CDH13: variants seen among roughly 807,000 people sequenced by gnomAD.
CDH13 encodes the protein cadherin 13.
A neutral mutation model predicts 63.8 loss-of-function variants in CDH13; 24 were observed. The ratio of observed to expected loss-of-function variants is 0.38; its 90% CI spans 0.27 to 0.53. The LOEUF is 0.53. Among genes scored for constraint, CDH13 ranks in the 20% least tolerant of loss-of-function variants. The pLI is 0.85. For synonymous variants in CDH13, 503 were observed against 355.3 expected, an observed-to-expected ratio of 1.42 and a Z score of -4.67; for missense variants, 1,049 against 903.1, an observed-to-expected ratio of 1.16 and a Z score of -2.07.
chr16:82,927,762 C>T (rs1235659359), intron 2 of CDH13, among the ~76,000 whole-genome samples: 2 of 152,196 alleles, frequency 1.3e-5, no homozygotes, highest in African/African-American at 4.8e-5. Flanking sequence ...TTACTCACCG[C>T]TCAGTCCTCA....
chr16:83,225,262 A>T (rs2039806695), intron 5 of CDH13, among the ~76,000 whole-genome samples: 1 of 152,162 alleles, frequency 6.6e-6, no homozygotes, highest in Non-Finnish European at 1.5e-5. Context: ...TGACCTTTGA[A>T]CCTGTTTCGT....
At chr16:82,678,099 C>T (rs980557106) in intron 1 of CDH13, among the ~76,000 whole-genome samples, 2 of 152,078 alleles carry the variant, frequency 1.3e-5, no homozygotes, top group African/African-American at 2.4e-5. Flanking sequence ...CACTGGCCTC[C>T]CAAGTCCCCA....
At chr16:83,321,251 C>T (rs952448591) in intron 5 of CDH13, among the ~76,000 whole-genome samples, 1 of 152,174 alleles carries the variant, frequency 6.6e-6, no homozygotes, top group African/African-American at 2.4e-5. Context: ...GAATTAGTGT[C>T]TCAAGTTGAT....
intron 7 of CDH13, among the ~76,000 whole-genome samples, chr16:83,553,435 T>C (rs2075545967): frequency 6.6e-6 from 1 of 152,238 alleles, no homozygotes; most frequent in Non-Finnish European, 1.5e-5. Flanking sequence ...TCTATGCATA[T>C]GTTTTTCTTA....
At chr16:83,511,985 A>C (rs2074577069) in intron 7 of CDH13, among the ~76,000 whole-genome samples, 3 of 152,160 alleles carry the variant, frequency 2.0e-5, no homozygotes. Context: ...GTTAGTCCTC[A>C]GTAAGTGTTA....
At chr16:83,095,991 CATG>C (rs1325964815) in intron 3 of CDH13, among the ~76,000 whole-genome samples, 4 of 152,106 alleles carry the variant, frequency 2.6e-5, no homozygotes, top group African/African-American at 9.7e-5. Context: ...AAAGGTTGAA[CATG>C]TCTTTAGGAG....
At chr16:83,278,193 C>G (rs2089052608) in intron 5 of CDH13, among the ~76,000 whole-genome samples, 1 of 152,132 alleles carries the variant, frequency 6.6e-6, no homozygotes, top group South Asian at 2.1e-4. Flanking sequence ...GGAACCAAAT[C>G]CATCTGGATT....
At chr16:83,486,740 GT>G (rs1318553953) in intron 7 of CDH13, 85 bp downstream of exon 7, 36 of 1,299,764 alleles carry the variant, frequency 2.8e-5, no homozygotes, top group South Asian at 5.2e-5. Flanking sequence ...CCAGTCAGTG[GT>G]TTTTTTTAAT....
chr16:82,982,259 T>C (rs987013937), intron 2 of CDH13, among the ~76,000 whole-genome samples: 5 of 152,102 alleles, frequency 3.3e-5, no homozygotes, highest in African/African-American at 1.2e-4. Flanking sequence ...ATAATACTTA[T>C]CTTATAAATA....
At chr16:83,581,047 T>A (rs764208574) in intron 7 of CDH13, among the ~76,000 whole-genome samples, 55 of 152,346 alleles carry the variant, frequency 3.6e-4, no homozygotes, top group Admixed American at 5.2e-4. Context: ...AATGCTTTTA[T>A]GTTGTTAAAA....
At chr16:82,892,999 T>C (rs1416819329) in intron 2 of CDH13, among the ~76,000 whole-genome samples, 1 of 152,260 alleles carries the variant, frequency 6.6e-6, no homozygotes, top group African/African-American at 2.4e-5. Flanking sequence ...ACTATATACT[T>C]GTTTGACCAT....
chr16:83,199,992 G>T (rs1254396398), intron 4 of CDH13, among the ~76,000 whole-genome samples: 1 of 152,204 alleles, frequency 6.6e-6, no homozygotes, highest in East Asian at 1.9e-4. Flanking sequence ...AGGGAATGAA[G>T]ACGAATCCTT....
intron 1 of CDH13, among the ~76,000 whole-genome samples, chr16:82,732,833 G>A (rs901886783): frequency 1.3e-5 from 2 of 148,468 alleles, no homozygotes; most frequent in Admixed American, 1.4e-4. Flanking sequence ...GTTTGTGTCC[G>A]ACATCTGGGG....
chr16:82,809,495 G>A (rs2037333085), intron 1 of CDH13, among the ~76,000 whole-genome samples: 1 of 152,108 alleles, frequency 6.6e-6, no homozygotes, highest in African/African-American at 2.4e-5. Flanking sequence ...TGGCTGAGCA[G>A]CTTCTTTAAG....
intron 8 of CDH13, among the ~76,000 whole-genome samples, chr16:83,608,917 T>G (rs1477035642): frequency 6.6e-6 from 1 of 152,192 alleles, no homozygotes; most frequent in East Asian, 1.9e-4. Flanking sequence ...CTTCTTCATA[T>G]AACAATTACA....
intron 10 of CDH13, chr16:83,710,414 T>G (rs1201042698): frequency 6.6e-6 from 1 of 152,218 alleles, no homozygotes; most frequent in Non-Finnish European, 1.5e-5. Flanking sequence ...CTAGAAAAGC[T>G]AAGAGCATCT....
At chr16:83,590,750 T>C (rs1450257332) in intron 7 of CDH13, among the ~76,000 whole-genome samples, 1 of 152,118 alleles carries the variant, frequency 6.6e-6, no homozygotes, top group Admixed American at 6.6e-5. Flanking sequence ...TTCAGAACAA[T>C]GCTAACCGAA....
In CDH13 at chr16:83,780,047, C is replaced by T. The variant is rs370262239; in HGVS notation, c.1761C>T (p.Pro587=). 2 of 1,613,970 alleles carry T rather than the reference C, an allele frequency of 1.2e-6. No homozygotes were observed. The highest frequency in any genetic ancestry group is 1.7e-6 in the Non-Finnish European group (2 of 1,179,898). ...DVNDNAPFIY[P]TVAEVCDDAK... is the part of the protein sequence containing the mutation. The stretch of plus-strand genomic sequence containing the variant: ...ATGACAATGCCCCGTTCATTTACCC[C>T]ACAGTAGCTGAAGTCTGTGATGATG... Residue 587 remains proline (P), a synonymous_variant, in exon 12 of 14, where the codon CCC becomes CCT. Transcript: ENST00000567109.
chr16:83,023,766 C>T (rs530143882), intron 2 of CDH13, among the ~76,000 whole-genome samples: 7 of 152,268 alleles, frequency 4.6e-5, no homozygotes, highest in African/African-American at 1.7e-4. Flanking sequence ...TAACATGAAA[C>T]ACAATGCAGG....
Sources: gnomAD v4.1 joint callset for allele counts (sites outside exome capture counted in the v4.1 genomes callset) on GRCh38, gnomAD v4.1.1 for gene constraint, MANE v1.5 for transcripts, NCBI Gene and HGNC (gene_info 2026-07-23, HGNC 2026-07-21) for gene names.